NSMCE2: variants seen among roughly 807,000 people sequenced by gnomAD.
The protein encoded by NSMCE2 is NSE2 SUMO ligase component of SMC5/6 complex.
Under a neutral mutation model 23.8 loss-of-function variants are expected in NSMCE2, and 24 were observed. The observed-to-expected ratio is 1.01, with a 90% CI of 0.73 to 1.42. The LOEUF (loss-of-function observed/expected upper bound fraction) is 1.42, where lower values mean the gene tolerates loss of function less well. NSMCE2 is among the 40% of genes most tolerant of loss of function. NSMCE2 has a pLI of 0.00. For synonymous variants in NSMCE2, 92 were observed against 94.1 expected (o/e 0.98, Z 0.13); for missense variants, 284 against 296.5 (o/e 0.96, Z 0.31).
intron 3 of NSMCE2, among the ~76,000 whole-genome samples, chr8:125,110,758 T>G (rs952547969): frequency 2.0e-5 from 3 of 146,944 alleles, no homozygotes; most frequent in South Asian, 2.1e-4. Context: ...TTTTGGTTGT[T>G]GTTGTTTTTT....
intron 4 of NSMCE2, among the ~76,000 whole-genome samples, chr8:125,166,201 C>T (rs779857919): frequency 6.6e-6 from 1 of 152,106 alleles, no homozygotes; most frequent in Non-Finnish European, 1.5e-5. Flanking sequence ...AAAAATGTTA[C>T]GATCTCAAAA....
intron 5 of NSMCE2, among the ~76,000 whole-genome samples, chr8:125,329,981 AC>A (rs1829811194): frequency 1.3e-5 from 2 of 152,086 alleles, no homozygotes; most frequent in Admixed American, 6.6e-5. Flanking sequence ...CTCCGAAAGA[AC>A]CATCATTACC....
At position 125,198,012 on chromosome 8, in the gene NSMCE2, G is replaced by A. The variant is rs538659174; in HGVS notation, c.418+15756G>A. On this transcript the variant is annotated intron_variant, in intron 5 of 7. Transcript: ENST00000287437. Reference sequence around the variant, plus strand: ...CTGTCTGTTATTGGTGTATAGGAACGCTTGTGATTTTTGCACATTGATTTT... The same window carrying A: ...CTGTCTGTTATTGGTGTATAGGAACACTTGTGATTTTTGCACATTGATTTT... 1.1e-4 allele frequency among the ~76,000 whole-genome samples: 16 copies of A among 152,242 alleles called. 1 individual carries two copies. In the East Asian group the frequency reaches 2.9e-3, roughly 28 times the overall value.
intron 3 of NSMCE2, among the ~76,000 whole-genome samples, chr8:125,103,150 CA>C (rs1818283052): frequency 6.6e-6 from 1 of 151,878 alleles, no homozygotes; most frequent in Admixed American, 6.6e-5. Context: ...ACTAAAAATA[CA>C]AAAAATTAGC....
At chr8:125,267,003 CTTTTTT>C (rs35990794) in intron 5 of NSMCE2, among the ~76,000 whole-genome samples, 1 of 111,990 alleles carries the variant, frequency 8.9e-6, no homozygotes, top group Non-Finnish European at 1.8e-5. Context: ...TTTTTTCTTT[CTTTTTT>C]TTTTTTTTTT....
rs1251287100 is a variant in NSMCE2, at chr8:125,324,609, C to G, written c.419-32610C>G. Among the ~76,000 whole-genome samples, 5 of 38,238 alleles carry G rather than the reference C, an allele frequency of 1.3e-4. 1 individual carries two copies. The highest frequency in any genetic ancestry group is 3.1e-4 in the Non-Finnish European group (4 of 12,928). The allele number at this position is 38,238 out of a possible 152,430, so 25.1% of individuals were successfully genotyped here. A position where few individuals can be genotyped will look rare whatever the true frequency, so the allele number is the denominator to read the frequency against. ...TTTTTTTTTTGAGACGAGTCTGGCT[C>G]TGTTGCCCAGGCTGGAGTGCAGTGG... On this transcript the variant is annotated intron_variant, in intron 5 of 7. Transcript: ENST00000287437.
chr8:125,122,172 CAAAA>C (rs796879544), intron 3 of NSMCE2, among the ~76,000 whole-genome samples: 1 of 45,974 alleles, frequency 2.2e-5, no homozygotes. Context: ...CTGGCTGAGC[CAAAA>C]AAAAAAAAAA....
intron 5 of NSMCE2, among the ~76,000 whole-genome samples, chr8:125,228,386 A>G (rs1272069366): frequency 1.3e-5 from 2 of 152,238 alleles, no homozygotes; most frequent in Admixed American, 6.5e-5. Flanking sequence ...CTTACAATTC[A>G]GTGATGGTAA....
chr8:125,199,277 G>A (rs1419645754), intron 5 of NSMCE2, among the ~76,000 whole-genome samples: 1 of 152,132 alleles, frequency 6.6e-6, no homozygotes, highest in Admixed American at 6.5e-5. Context: ...ATGTTAGGGT[G>A]TCGATTTTAG....
intron 5 of NSMCE2, among the ~76,000 whole-genome samples, chr8:125,323,091 G>A (rs567701770): frequency 2.6e-5 from 4 of 152,264 alleles, no homozygotes; most frequent in East Asian, 1.9e-4. Flanking sequence ...AATACCTATC[G>A]ATGTATCTGA....
At chr8:125,315,572 C>T (rs1829145925) in intron 5 of NSMCE2, among the ~76,000 whole-genome samples, 3 of 152,180 alleles carry the variant, frequency 2.0e-5, no homozygotes. Flanking sequence ...TAGTACAAGG[C>T]TGGGTGCACG....
chr8:125,323,830 T>A (rs1829543748), intron 5 of NSMCE2, among the ~76,000 whole-genome samples: 1 of 152,214 alleles, frequency 6.6e-6, no homozygotes, highest in East Asian at 1.9e-4. Flanking sequence ...GGAACTTCTG[T>A]TCTTCAAGAG....
At chr8:125,237,304 C>T (rs562088452) in intron 5 of NSMCE2, among the ~76,000 whole-genome samples, 2 of 152,260 alleles carry the variant, frequency 1.3e-5, no homozygotes, top group South Asian at 4.1e-4. Flanking sequence ...ATAACCTAAT[C>T]GAGGGCATTG....
intron 7 of NSMCE2, among the ~76,000 whole-genome samples, chr8:125,358,398 G>A (rs1166440703): frequency 6.7e-6 from 1 of 150,090 alleles, no homozygotes; most frequent in Non-Finnish European, 1.5e-5. Context: ...TTTTTTAATT[G>A]GAAGTTTTGC....
chr8:125,198,099 G>C (rs967997781), intron 5 of NSMCE2, among the ~76,000 whole-genome samples: 5 of 152,150 alleles, frequency 3.3e-5, no homozygotes, highest in Admixed American at 3.3e-4. Context: ...TCAGACGATG[G>C]GGTTTTCTAA....
At chr8:125,237,738 A>G (rs1004342490) in intron 5 of NSMCE2, among the ~76,000 whole-genome samples, 3 of 152,206 alleles carry the variant, frequency 2.0e-5, no homozygotes, top group Non-Finnish European at 4.4e-5. Context: ...GAGACCGGGT[A>G]TCAGAGTCTG....
intron 5 of NSMCE2, among the ~76,000 whole-genome samples, chr8:125,241,392 A>G (rs543219176): frequency 2.6e-5 from 4 of 152,374 alleles, no homozygotes; most frequent in African/African-American, 7.2e-5. Context: ...AATACATTCA[A>G]TAATAGTGGA....
At chr8:125,131,450 A>G (rs1819767006) in intron 3 of NSMCE2, among the ~76,000 whole-genome samples, 2 of 152,190 alleles carry the variant, frequency 1.3e-5, no homozygotes, top group South Asian at 2.1e-4. Flanking sequence ...GCAAGAGCCT[A>G]CAGATGCTTG....
intron 5 of NSMCE2, among the ~76,000 whole-genome samples, chr8:125,267,446 A>G (rs1260966543): frequency 6.6e-6 from 1 of 152,232 alleles, no homozygotes; most frequent in Non-Finnish European, 1.5e-5. Context: ...AAGTAAGGCT[A>G]GACAGTCAGG....
Sources: gnomAD v4.1 joint callset for allele counts (sites outside exome capture counted in the v4.1 genomes callset) on GRCh38, gnomAD v4.1.1 for gene constraint, MANE v1.5 for transcripts, NCBI Gene and HGNC (gene_info 2026-07-23, HGNC 2026-07-21) for gene names.